The following LRRC66 variants were observed in gnomAD, a reference collection of about 807,000 sequenced individuals.
LRRC66 encodes the protein leucine rich repeat containing 66.
LRRC66 carries 29 observed loss-of-function variants against 24.6 expected under a neutral mutation model. The observed-to-expected ratio is 1.18, with a 90% confidence interval of 0.88 to 1.61. The LOEUF is 1.61. Among genes scored for constraint, LRRC66 ranks in the 40% most tolerant of loss-of-function variants. The probability of loss-of-function intolerance (pLI) is 0.00; values close to 1 mark genes in which losing one functional copy is unlikely to be tolerated. For missense variants in LRRC66, 1,124 were observed against 1,058.0 expected, an observed-to-expected ratio of 1.06 and a Z score of -0.87; for synonymous variants, 411 against 397.6, an observed-to-expected ratio of 1.03 and a Z score of -0.40.
chr4:52,011,286 T>C (rs1736694257), intron 2 of LRRC66, among the ~76,000 whole-genome samples: 1 of 152,230 alleles, frequency 6.6e-6, no homozygotes, highest in Non-Finnish European at 1.5e-5. Flanking sequence ...AGGTCAGATC[T>C]TATTGTGGTC....
At chr4:52,001,212 A>G (rs1024467111) in intron 3 of LRRC66, among the ~76,000 whole-genome samples, 2 of 152,338 alleles carry the variant, frequency 1.3e-5, no homozygotes, top group Admixed American at 6.5e-5. Context: ...ACGGAAATGT[A>G]TAGCATGTTA....
rs773940739 is a variant in LRRC66, at chr4:51,995,162, A to G, written c.1860T>C (p.Phe620=). ...ATGAACTCACTTGCCTTTCCTTAGAAAATTCCATCTGCGAGTCCCAAAGTG... is the reference window on the plus strand; with the variant it reads ...ATGAACTCACTTGCCTTTCCTTAGAGAATTCCATCTGCGAGTCCCAAAGTG... ...EQSLWDSQME[F]SKERQVSSSI... The change falls in exon 5 of 5, where the codon TTT becomes TTC. Residue 620 remains phenylalanine, a synonymous_variant. Transcript: ENST00000682860. 8 of 1,614,202 alleles carry G rather than the reference A, an allele frequency of 5.0e-6. No homozygotes were observed. The South Asian group carries it at 8.8e-5, about 18-fold the overall frequency.
rs1295323674 is a variant in LRRC66, at chr4:51,995,221, C to T, written c.1801G>A (p.Gly601Arg). ...MLTHAEAQRT[G>R]DSKERGGTEQ... ...GTGCCCCCTCTTTCCTTACTATCTC[C>T]AGTCCTCTGTGCTTCTGCATGTGTT... The change falls in exon 5 of 5, where the codon GGA becomes AGA. Residue 601 changes from glycine (G) to arginine (R), a missense_variant. By Grantham distance (125) the Gly-to-Arg change is moderately radical. Coordinates refer to ENST00000682860, the MANE Select transcript of LRRC66 (RefSeq NM_001024611.3). The T allele has an allele frequency of 1.2e-6, 2 of 1,614,234 alleles. No homozygotes were observed. The highest frequency in any genetic ancestry group is 1.7e-6 in the Non-Finnish European group (2 of 1,180,042).
At chr4:52,011,289 T>C (rs933545776) in intron 2 of LRRC66, among the ~76,000 whole-genome samples, 4 of 152,224 alleles carry the variant, frequency 2.6e-5, no homozygotes, top group Middle Eastern at 3.2e-3. Flanking sequence ...TCAGATCTTA[T>C]TGTGGTCAAA....
In LRRC66 at chr4:51,994,506, C is replaced by A; in HGVS notation, c.2516G>T (p.Cys839Phe). Residue 839 changes from cysteine to phenylalanine, a missense_variant, in exon 5 of 5, where the codon TGC becomes TTC. Cys to Phe is a radical substitution (Grantham distance 205). Coordinates refer to ENST00000682860, the MANE Select transcript of LRRC66 (RefSeq NM_001024611.3). ...ALQSKAAEWH[C>F]SLRDLEFSNV... The stretch of plus-strand genomic sequence containing the variant: ...TGAAAATTCTAAGTCTCTAAGTGAG[C>A]AATGCCATTCTGCTGCCTTGGATTG... 6.2e-7 allele frequency: 1 copy of A among 1,614,170 alleles called. No individual in the cohort carries two copies. Among genetic ancestry groups the A allele is most frequent in the Non-Finnish European group, 8.5e-7 (1 of 1,180,026 alleles).
chr4:52,008,775 G>A (rs1053457545), intron 2 of LRRC66, among the ~76,000 whole-genome samples: 3 of 152,100 alleles, frequency 2.0e-5, no homozygotes, highest in Non-Finnish European at 4.4e-5. Flanking sequence ...AATGTTCAAG[G>A]AAGTCCTTTA....
intron 2 of LRRC66, among the ~76,000 whole-genome samples, chr4:52,016,268 G>C (rs1736808790): frequency 6.6e-6 from 1 of 152,116 alleles, no homozygotes; most frequent in South Asian, 2.1e-4. Context: ...GTCAGAACTG[G>C]ATAATAAGAA....
chr4:52,002,319 T>C (rs1302360516), intron 3 of LRRC66, among the ~76,000 whole-genome samples: 1 of 152,224 alleles, frequency 6.6e-6, no homozygotes, highest in African/African-American at 2.4e-5. Flanking sequence ...TTCTATTGAA[T>C]GATGCTGGCC....
intron 1 of LRRC66, among the ~76,000 whole-genome samples, chr4:52,019,379 T>A (rs1398533262): frequency 2.0e-5 from 3 of 151,962 alleles, no homozygotes; most frequent in Non-Finnish European, 4.4e-5. Flanking sequence ...AGGAACATTA[T>A]CTATCTATCT....
intron 4 of LRRC66, among the ~76,000 whole-genome samples, chr4:51,997,206 G>A (rs373661537): frequency 2.5e-4 from 38 of 152,322 alleles, no homozygotes; most frequent in African/African-American, 8.9e-4. Flanking sequence ...CACTTTAGGA[G>A]AGGGGCAAGG....
intron 1 of LRRC66, 49 bp from the exon 2 acceptor site, chr4:52,017,667 T>C (rs1290397839): frequency 1.3e-5 from 19 of 1,455,704 alleles, no homozygotes; most frequent in Non-Finnish European, 1.7e-5. Context: ...ATATAAAAAC[T>C]AACAGCAATA....
intron 2 of LRRC66, among the ~76,000 whole-genome samples, chr4:52,004,346 T>C (rs1291464064): frequency 2.6e-5 from 4 of 152,240 alleles, no homozygotes; most frequent in African/African-American, 9.6e-5. Flanking sequence ...TTCTTATAGC[T>C]ACTTATTGTT....
In LRRC66 at chr4:51,995,868, A is replaced by G. The variant is rs1736299737; in HGVS notation, c.1154T>C (p.Ile385Thr). 1 of 1,614,034 alleles carries G rather than the reference A, an allele frequency of 6.2e-7. No individual in the cohort carries two copies. The highest frequency in any genetic ancestry group is 1.3e-5 in the African/African-American group (1 of 74,914). ...LALAVCLSVF[I>T]TFLVAFSLGA... ...CAGGCTGAAGGCGACAAGGAATGTG[A>G]TGAACACTGACAGGCACACCGCCAG... The change falls in exon 5 of 5, where the codon ATC becomes ACC. Residue 385 changes from isoleucine to threonine, a missense_variant. Physicochemically the swap from Ile to Thr is moderately conservative, Grantham distance 89 (BLOSUM62 -1). Transcript: ENST00000682860.
At chr4:52,012,605 G>C (rs1736727934) in intron 2 of LRRC66, among the ~76,000 whole-genome samples, 1 of 152,134 alleles carries the variant, frequency 6.6e-6, no homozygotes, top group Non-Finnish European at 1.5e-5. Context: ...TCAGAGGGTA[G>C]TCAAATGAGT....
At chr4:52,017,805 T>TA in intron 1 of LRRC66, 187 bp from the exon 2 acceptor site, 1 of 985,374 alleles carries the variant, frequency 1.0e-6, no homozygotes, top group Non-Finnish European at 1.2e-6. Context: ...AGCCATAGTA[T>TA]AAAATTACAT....
At chr4:51,997,264 C>A (rs142436795) in intron 4 of LRRC66, among the ~76,000 whole-genome samples, 2 of 152,000 alleles carry the variant, frequency 1.3e-5, no homozygotes, top group African/African-American at 4.8e-5. Context: ...GTGTGTTTTG[C>A]GTATGTAGAG....
At chr4:51,999,416 G>A (rs1736398433) in intron 3 of LRRC66, among the ~76,000 whole-genome samples, 1 of 152,124 alleles carries the variant, frequency 6.6e-6, no homozygotes. Flanking sequence ...ATAAGCGTGA[G>A]TTTTCCATTA....
chr4:52,017,758 T>C, intron 1 of LRRC66, 140 bp from the exon 2 acceptor site: 1 of 1,373,090 alleles, frequency 7.3e-7, no homozygotes, highest in South Asian at 1.8e-5. Flanking sequence ...GTTTGATTTC[T>C]TACTGGGGCA....
In LRRC66 at chr4:51,994,619, G is replaced by A. The variant is rs572953962; in HGVS notation, c.2403C>T (p.Gly801=). The A allele has an allele frequency of 1.3e-5, 21 of 1,614,192 alleles. 1 individual carries two copies. The Admixed American group carries it at 3.2e-4, about 24-fold the overall frequency. Residue 801 remains glycine, a synonymous_variant, in exon 5 of 5, where the codon GGC becomes GGT. Coordinates refer to ENST00000682860, the MANE Select transcript of LRRC66 (RefSeq NM_001024611.3). ...CTGGTGACCTGGGCCAGGGTGACAG[G>A]CCCTCAGATCTATCAGTGTCAGAGG... ...ENASDTDRSE[G]LSPWPRSPGN...
Sources: allele counts gnomAD v4.1 joint callset (sites outside exome capture counted in the v4.1 genomes callset), GRCh38; gene constraint gnomAD v4.1.1; transcripts MANE v1.5; gene names NCBI Gene and HGNC (gene_info 2026-07-23, HGNC 2026-07-21).